The following UBE2H variants were observed in gnomAD, a reference collection of about 807,000 sequenced individuals.
The protein encoded by UBE2H is ubiquitin conjugating enzyme E2 H.
Under a neutral mutation model 29.0 loss-of-function variants are expected in UBE2H, and 3 were observed. That is an observed-to-expected ratio of 0.10 (90% CI 0.05 to 0.27). The LOEUF (loss-of-function observed/expected upper bound fraction) is 0.27. Among genes scored for constraint, UBE2H ranks in the 10% least tolerant of loss-of-function variants. The pLI is 1.00. For synonymous variants in UBE2H, 69 were observed against 82.9 expected (o/e 0.83, Z 0.91); for missense variants, 68 against 228.2 (o/e 0.30, Z 4.52).
intron 1 of UBE2H, among the ~76,000 whole-genome samples, chr7:129,912,893 A>T (rs377094545): frequency 1.3e-5 from 2 of 152,144 alleles, no homozygotes; most frequent in East Asian, 3.8e-4. Flanking sequence ...ATTTTCCTCA[A>T]ATATTTTGTT....
chr7:129,870,235 T>G (rs1806001657), intron 3 of UBE2H, among the ~76,000 whole-genome samples: 1 of 152,126 alleles, frequency 6.6e-6, no homozygotes, highest in Admixed American at 6.5e-5. Flanking sequence ...GCAATTCTCT[T>G]CCCAACTCCA....
At chr7:129,850,532 C>T (rs952655874) in intron 5 of UBE2H, among the ~76,000 whole-genome samples, 3 of 151,986 alleles carry the variant, frequency 2.0e-5, no homozygotes, top group Admixed American at 1.3e-4. Flanking sequence ...AGATGCAGGG[C>T]GCTGGCCTGG....
intron 3 of UBE2H, among the ~76,000 whole-genome samples, chr7:129,867,782 T>TAA (rs79333410): frequency 9.2e-6 from 1 of 108,716 alleles, no homozygotes; most frequent in Non-Finnish European, 2.0e-5. Flanking sequence ...AAAATTAGAT[T>TAA]AAAAAAAAAA....
At chr7:129,852,466 CAA>C (rs138503338) in intron 5 of UBE2H, among the ~76,000 whole-genome samples, 9 of 135,446 alleles carry the variant, frequency 6.6e-5, no homozygotes, top group Admixed American at 1.5e-4. Flanking sequence ...GACTCCGTCT[CAA>C]AAAAAAAAAA....
intron 3 of UBE2H, among the ~76,000 whole-genome samples, chr7:129,866,609 G>C (rs1241962449): frequency 6.6e-6 from 1 of 152,160 alleles, no homozygotes; most frequent in Non-Finnish European, 1.5e-5. Context: ...GTAGTTAAAA[G>C]ATCAGGCTCC....
chr7:129,944,896 A>C (rs2116527677), intron 1 of UBE2H, among the ~76,000 whole-genome samples: 1 of 152,306 alleles, frequency 6.6e-6, no homozygotes, highest in Non-Finnish European at 1.5e-5. Flanking sequence ...CCAAGCATTA[A>C]GAGGTGAATG....
At chr7:129,922,933 G>A (rs899081049) in intron 1 of UBE2H, among the ~76,000 whole-genome samples, 18 of 151,536 alleles carry the variant, frequency 1.2e-4, no homozygotes, top group African/African-American at 4.4e-4. Flanking sequence ...AAGGAGTCTC[G>A]CTCTGTCGCC....
intron 3 of UBE2H, among the ~76,000 whole-genome samples, chr7:129,862,150 G>T (rs749092681): frequency 3.9e-5 from 6 of 152,200 alleles, no homozygotes; most frequent in Non-Finnish European, 8.8e-5. Context: ...GAAGCTTTCT[G>T]ATGAGTGGGG....
chr7:129,842,805 A>T (rs1805449662), intron 5 of UBE2H, among the ~76,000 whole-genome samples: 1 of 151,930 alleles, frequency 6.6e-6, no homozygotes, highest in Non-Finnish European at 1.5e-5. Flanking sequence ...TGGGAGGCTG[A>T]GGCAGGAGAA....
In UBE2H at chr7:129,879,490, T is replaced by C. The variant is rs536302089; in HGVS notation, c.205+78A>G. On this transcript the variant is annotated intron_variant, in intron 3 of 6. Coordinates refer to ENST00000355621, the MANE Select transcript of UBE2H (RefSeq NM_003344.4). ...ATTAGACAGCCATTTCTGGCATTAA[T>C]TACCTCCCCTGAAATGTAAGATTTT... is the stretch of plus-strand genomic sequence containing the variant. 1.6e-4 allele frequency: 212 copies of C among 1,353,192 alleles called. 2 individuals are homozygous for C. The highest frequency in any genetic ancestry group is 7.2e-4 in the Middle Eastern group (4 of 5,530). 83.8% of individuals were successfully genotyped at this position (1,353,192 alleles called of 1,614,324 possible). A position where few individuals can be genotyped will look rare whatever the true frequency, so the allele number is the denominator to read the frequency against.
intron 3 of UBE2H, among the ~76,000 whole-genome samples, chr7:129,868,189 A>G (rs11760945): frequency 0.048 from 7,286 of 152,330 alleles, 246 homozygotes; most frequent in South Asian, 0.096. Flanking sequence ...AGGTCACCCA[A>G]TACAGAGTAG....
chr7:129,930,636 C>CA (rs970704450), intron 1 of UBE2H, among the ~76,000 whole-genome samples: 58 of 151,392 alleles, frequency 3.8e-4, no homozygotes, highest in African/African-American at 1.4e-3. Flanking sequence ...CAGCTGGGCA[C>CA]AGTGGCTCAC....
chr7:129,939,197 C>T (rs562095507), intron 1 of UBE2H, among the ~76,000 whole-genome samples: 12 of 152,226 alleles, frequency 7.9e-5, no homozygotes, highest in African/African-American at 2.9e-4. Flanking sequence ...GAGACAGGGT[C>T]TCACTATAGT....
intron 1 of UBE2H, among the ~76,000 whole-genome samples, chr7:129,893,072 C>G (rs552973756): frequency 6.6e-6 from 1 of 152,042 alleles, no homozygotes; most frequent in African/African-American, 2.4e-5. Context: ...ATTTAAAGAC[C>G]CATTATCTTA....
intron 5 of UBE2H, among the ~76,000 whole-genome samples, chr7:129,852,317 G>A (rs1324707388): frequency 6.6e-6 from 1 of 152,118 alleles, no homozygotes; most frequent in African/African-American, 2.4e-5. Context: ...ATTTCTAAAT[G>A]CCTGGTAAAA....
At chr7:129,843,125 A>G (rs1038708940) in intron 5 of UBE2H, among the ~76,000 whole-genome samples, 2 of 146,314 alleles carry the variant, frequency 1.4e-5, no homozygotes, top group Admixed American at 1.4e-4. Context: ...CAGTCTCCCC[A>G]GCAGCTAGGA....
intron 1 of UBE2H, among the ~76,000 whole-genome samples, chr7:129,928,773 G>A (rs891706017): frequency 6.6e-5 from 10 of 151,676 alleles, no homozygotes; most frequent in African/African-American, 2.4e-4. Flanking sequence ...CCATAAATAT[G>A]TCAATTAAAA....
intron 1 of UBE2H, among the ~76,000 whole-genome samples, chr7:129,945,925 T>C (rs111335330): frequency 6.6e-6 from 1 of 152,250 alleles, no homozygotes; most frequent in African/African-American, 2.4e-5. Context: ...TTGTATTTTT[T>C]AGTAGAGATG....
chr7:129,850,821 GAA>G (rs765870463), intron 5 of UBE2H, among the ~76,000 whole-genome samples: 5 of 132,974 alleles, frequency 3.8e-5, no homozygotes, highest in Non-Finnish European at 7.9e-5. Flanking sequence ...TCTCAAAAAA[GAA>G]AGAGAGAGAG....
Sources: gnomAD v4.1 joint callset for allele counts (sites outside exome capture counted in the v4.1 genomes callset) on GRCh38, gnomAD v4.1.1 for gene constraint, MANE v1.5 for transcripts, NCBI Gene and HGNC (gene_info 2026-07-23, HGNC 2026-07-21) for gene names.